The following COL18A1 variants were observed in gnomAD, a reference collection of about 807,000 sequenced individuals.
COL18A1 encodes collagen type XVIII alpha 1 chain, also known as collagen alpha-1(XVIII) chain.
In COL18A1, 133 loss-of-function variants were observed where a neutral mutation model predicts 168.0. That is an observed-to-expected ratio of 0.79 (90% CI 0.69 to 0.91). The LOEUF (loss-of-function observed/expected upper bound fraction) is 0.91. Ranked by LOEUF, COL18A1 falls within the 40% of genes least tolerant of loss-of-function variation. COL18A1 has a pLI of 0.00. For synonymous variants in COL18A1, 949 were observed against 809.0 expected (o/e 1.17, Z -2.94); for missense variants, 2,126 against 1,925.4 (o/e 1.10, Z -1.95).
Position 45,489,533 on chromosome 21 carries a change from GCCCGGGTT to G in COL18A1, c.1959+14_1959+21del. On this transcript the variant is annotated intron_variant, in intron 19 of 41. Coordinates refer to ENST00000651438, the MANE Select transcript of COL18A1 (RefSeq NM_001379500.1). ...TGCCGGGGGCGAAGGTAAGCGCTGTGCCCGGGTTCAGGGACGTGGCCAGGCAGAGGCAG... is the reference window on the plus strand; with the variant it reads ...TGCCGGGGGCGAAGGTAAGCGCTGTGCAGGGACGTGGCCAGGCAGAGGCAG... 3.8e-6 allele frequency: 6 copies of G among 1,582,494 alleles called. No homozygotes were observed. The highest frequency in any genetic ancestry group is 5.2e-6 in the Non-Finnish European group (6 of 1,160,588).
At chr21:45,444,728 G>A (rs1226296281) in intron 2 of COL18A1, among the ~76,000 whole-genome samples, 3 of 152,120 alleles carry the variant, frequency 2.0e-5, no homozygotes, top group East Asian at 3.9e-4. Flanking sequence ...CGAACATGCT[G>A]GTACTAGGTT....
At chr21:45,489,654 G>A in intron 19 of COL18A1, 133 bp downstream of exon 19, 1 of 657,796 alleles carries the variant, frequency 1.5e-6, no homozygotes, top group Non-Finnish European at 2.6e-6. Context: ...TATAATTGAA[G>A]ACGTGCTGGT....
rs528056729 is a variant in COL18A1 at position 45,487,306 on chromosome 21, C to G, written c.1834-141C>G. The stretch of plus-strand genomic sequence containing the variant: ...CAGGCCCTGCCACCAGGTAGACAGT[C>G]CCCATCTGAGAACGGCGGCTCCCCA... On this transcript the variant is annotated intron_variant, in intron 16 of 41. Transcript: ENST00000651438. 222 of 992,828 alleles carry G rather than the reference C, an allele frequency of 2.2e-4. 1 individual carries two copies. Among genetic ancestry groups the G allele is most frequent in the Middle Eastern group, 2.1e-3 (7 of 3,284 alleles). 61.5% of individuals were successfully genotyped at this position (992,828 alleles called of 1,614,324 possible).
chr21:45,448,987 G>A (rs562366894), intron 2 of COL18A1, among the ~76,000 whole-genome samples: 5 of 152,378 alleles, frequency 3.3e-5, no homozygotes, highest in African/African-American at 9.6e-5. Flanking sequence ...TTTGTGGAGA[G>A]CCATGGCAGG....
chr21:45,456,711 T>TC, intron 2 of COL18A1: 2 of 1,530,806 alleles, frequency 1.3e-6, no homozygotes, highest in African/African-American at 1.4e-5. Context: ...CTGCTGCTGG[T>TC]CCCCCCATGC....
At chr21:45,477,529 A>G in intron 7 of COL18A1, 42 bp downstream of exon 7, 1 of 1,557,230 alleles carries the variant, frequency 6.4e-7, no homozygotes, top group Non-Finnish European at 8.7e-7. Context: ...TCTGAACCAG[A>G]GCACCTGTGG....
At chr21:45,444,065 GCT>G (rs1408975807) in intron 2 of COL18A1, among the ~76,000 whole-genome samples, 1 of 152,168 alleles carries the variant, frequency 6.6e-6, no homozygotes, top group Non-Finnish European at 1.5e-5. Context: ...CCACGCTGTC[GCT>G]CTCTCTTGTC....
chr21:45,422,509 C>G (rs748010039), intron 2 of COL18A1: 2 of 524,752 alleles, frequency 3.8e-6, no homozygotes, highest in South Asian at 2.9e-5. Context: ...TGCGTGGCTG[C>G]CTGGCCTGAC....
chr21:45,458,915 G>A (rs2034944314), intron 2 of COL18A1, among the ~76,000 whole-genome samples: 1 of 152,214 alleles, frequency 6.6e-6, no homozygotes, highest in Non-Finnish European at 1.5e-5. Flanking sequence ...GCATGGCTTG[G>A]GGGCTGGGGT....
At chr21:45,485,827 A>G (rs561971984) in intron 15 of COL18A1, among the ~76,000 whole-genome samples, 42 of 152,334 alleles carry the variant, frequency 2.8e-4, no homozygotes, top group Middle Eastern at 3.4e-3. Flanking sequence ...TCCTTCCTCC[A>G]GCTGGGCCTG....
chr21:45,509,228 G>T, intron 38 of COL18A1, 128 bp from the exon 39 acceptor site: 1 of 1,287,132 alleles, frequency 7.8e-7, no homozygotes. Flanking sequence ...CCCCAGAGTC[G>T]GGGGCGCAGC....
Position 45,478,315 on chromosome 21 carries a change from T to C in COL18A1, c.1222-12T>C, listed in dbSNP as rs2145926793. ...CATTTCCCATCACTAATGGCTTCTCTTGCACACCCAGGGCGACCCCGGTGA... is the reference window on the plus strand; with the variant it reads ...CATTTCCCATCACTAATGGCTTCTCCTGCACACCCAGGGCGACCCCGGTGA... On this transcript the variant is annotated splice_polypyrimidine_tract_variant and intron_variant, in intron 8 of 41. Transcript: ENST00000651438. 1 of 1,613,874 alleles carries C rather than the reference T, an allele frequency of 6.2e-7. No individual in the cohort carries two copies.
intron 3 of COL18A1, among the ~76,000 whole-genome samples, chr21:45,472,748 G>A (rs1304481959): frequency 2.6e-5 from 4 of 152,198 alleles, no homozygotes; most frequent in Admixed American, 2.0e-4. Context: ...GCTGAGAACC[G>A]CTGGTGCGTT....
chr21:45,405,273 G>T, intron 1 of COL18A1, 32 bp downstream of exon 1: 1 of 656,636 alleles, frequency 1.5e-6, no homozygotes, highest in East Asian at 4.0e-5. Flanking sequence ...GGGGTTGGGG[G>T]ACGCCAAGAT....
intron 32 of COL18A1, among the ~76,000 whole-genome samples, chr21:45,503,651 G>T (rs1196414607): frequency 1.8e-5 from 2 of 112,556 alleles, no homozygotes; most frequent in Admixed American, 1.1e-4. Flanking sequence ...TGGGGGGAGG[G>T]GGGAGGGATA....
In COL18A1 at chr21:45,481,957, C is replaced by A. The variant is rs1568910674; in HGVS notation, c.1612-6C>A. 6.2e-7 allele frequency: 1 copy of A among 1,609,154 alleles called. No homozygotes were observed. Among genetic ancestry groups the A allele is most frequent in the Non-Finnish European group, 8.5e-7 (1 of 1,175,570 alleles). The stretch of plus-strand genomic sequence containing the variant: ...TCAAGACCCACTATGCTCTGCTCTC[C>A]CCCAGGGACCCCCAGGCCCTCCGGG... On this transcript the variant is annotated splice_polypyrimidine_tract_variant and splice_region_variant and intron_variant, in intron 13 of 41. Coordinates refer to ENST00000651438, the MANE Select transcript of COL18A1 (RefSeq NM_001379500.1).
chr21:45,480,168 C>G lies in COL18A1; in HGVS notation c.1398+12C>G. ...GACACGACAAGCTGGTAAGTCCCGC[C>G]CTTGGCTTCCTGCGACCCGGGGTCT... On this transcript the variant is annotated intron_variant, in intron 11 of 41. Coordinates refer to ENST00000651438, the MANE Select transcript of COL18A1 (RefSeq NM_001379500.1). The G allele has an allele frequency of 6.7e-7, 1 of 1,489,068 alleles. No homozygotes were observed. The highest frequency in any genetic ancestry group is 9.3e-7 in the Non-Finnish European group (1 of 1,072,472). 92.2% of individuals were successfully genotyped at this position (1,489,068 alleles called of 1,614,324 possible).
At chr21:45,503,414 G>A (rs2036971912) in intron 32 of COL18A1, among the ~76,000 whole-genome samples, 2 of 151,874 alleles carry the variant, frequency 1.3e-5, no homozygotes, top group South Asian at 2.1e-4. Context: ...TTTTTGATGG[G>A]GTTGTTTGTG....
At chr21:45,450,498 C>T (rs985496298) in intron 2 of COL18A1, among the ~76,000 whole-genome samples, 5 of 152,218 alleles carry the variant, frequency 3.3e-5, no homozygotes, top group Admixed American at 6.5e-5. Flanking sequence ...ATGAGCCCCC[C>T]TCTTTGCCCC....
Sources: allele counts gnomAD v4.1 joint callset (sites outside exome capture counted in the v4.1 genomes callset), GRCh38; gene constraint gnomAD v4.1.1; transcripts MANE v1.5; gene names NCBI Gene and HGNC (gene_info 2026-07-23, HGNC 2026-07-21).